The following VSIG10L variants were observed in gnomAD, a reference collection of about 807,000 sequenced individuals.
The protein encoded by VSIG10L is V-set and immunoglobulin domain-containing protein 10-like.
In VSIG10L, 63 loss-of-function variants were observed where a neutral mutation model predicts 67.3. The observed-to-expected ratio is 0.94, with a 90% CI of 0.76 to 1.15. VSIG10L has a LOEUF of 1.15. VSIG10L is among the 50% of genes most tolerant of loss of function. The probability of loss-of-function intolerance (pLI) is 0.00; values close to 1 mark genes in which losing one functional copy is unlikely to be tolerated. For missense variants in VSIG10L, 1,050 were observed against 1,177.5 expected (o/e 0.89, Z 1.58); for synonymous variants, 499 against 524.9 (o/e 0.95, Z 0.67).
intron 7 of VSIG10L, 52 bp from the exon 8 acceptor site, chr19:51,334,356 C>A: frequency 6.6e-7 from 1 of 1,504,654 alleles, no homozygotes. Flanking sequence ...CAAGGTTGGA[C>A]CCAAGTTTCC....
At chr19:51,333,968 G>A (rs375466316) in intron 8 of VSIG10L, 23 bp from the exon 9 acceptor site, 1 of 1,550,854 alleles carries the variant, frequency 6.4e-7, no homozygotes, top group Non-Finnish European at 8.7e-7. Context: ...CAGAAGAGAA[G>A]CAGGAACACG....
chr19:51,335,883 G>A (rs1264985162), intron 7 of VSIG10L, among the ~76,000 whole-genome samples: 1 of 152,116 alleles, frequency 6.6e-6, no homozygotes, highest in Non-Finnish European at 1.5e-5. Context: ...CTGCACTCCA[G>A]CCTGGGTGAC....
chr19:51,339,889 T>G, intron 4 of VSIG10L, 126 bp downstream of exon 4: 5 of 802,324 alleles, frequency 6.2e-6, no homozygotes, highest in South Asian at 4.9e-5. Context: ...GCCCTCCCGC[T>G]GGCCCTGCCC....
rs1299937772 is a variant in VSIG10L, at chr19:51,340,061, C to G, written c.1428G>C (p.Pro476=). 7.0e-7 allele frequency: 1 copy of G among 1,435,138 alleles called. No homozygotes were observed. Among genetic ancestry groups the G allele is most frequent in the Admixed American group, 2.6e-5 (1 of 38,430 alleles). The allele number at this position is 1,435,138 out of a possible 1,614,324, so 88.9% of individuals were successfully genotyped here. ...AGTYACLAAN[P]RTGRRRRSLL... is the part of the protein sequence containing the mutation. Reference sequence around the variant, plus strand: ...GCGAGCGGCGGCGGCGGCCGGTACGCGGGTTCGCCGCCAGGCAGGCGTAGG... The same window carrying G: ...GCGAGCGGCGGCGGCGGCCGGTACGGGGGTTCGCCGCCAGGCAGGCGTAGG... The change falls in exon 4 of 10, where the codon CCG becomes CCC. Residue 476 remains proline (P), a synonymous_variant. Transcript: ENST00000335624. This position sits in a 1 kb window ranked among gnomAD's most constrained non-coding sequence, Gnocchi z 6.3.
chr19:51,336,449 G>A (rs896944661), intron 7 of VSIG10L, among the ~76,000 whole-genome samples: 8 of 152,128 alleles, frequency 5.3e-5, no homozygotes, highest in African/African-American at 1.2e-4. Flanking sequence ...AGCTACTCGG[G>A]AGGCTGAGGC....
In VSIG10L at chr19:51,338,942, TG is replaced by T. The variant is rs1472686720; in HGVS notation, c.1674del (p.Ile559SerfsTer129). 2 of 1,436,492 alleles carry T rather than the reference TG, an allele frequency of 1.4e-6. No individual in the cohort carries two copies. Among genetic ancestry groups the T allele is most frequent in the South Asian group, 1.4e-5 (1 of 70,854 alleles). The allele number at this position is 1,436,492 out of a possible 1,614,324, so 89.0% of individuals were successfully genotyped here. A position where few individuals can be genotyped will look rare whatever the true frequency, so the allele number is the denominator to read the frequency against. On this transcript the variant is annotated frameshift_variant, in exon 5 of 10. Transcript: ENST00000335624. LOFTEE classifies it high-confidence loss of function. ...ACCAGGTGGCGAGCAAGGCAGGTGA[TG>T]GGGACGCCGCTGAGCCGGGGGTGGG... The part of the protein sequence containing the change: ...VPAHPRLSGV[P>X]ITCLARHLVA...
Position 51,339,050 on chromosome 19 carries a change from C to G in VSIG10L, c.1567G>C (p.Ala523Pro), listed in dbSNP as rs1220032868. ...AGACCCTGGAACTGCAGGGAGGCAGCAGGGGCCCCGCCGGGCCACGAGCAG... is the reference window on the plus strand; with the variant it reads ...AGACCCTGGAACTGCAGGGAGGCAGGAGGGGCCCCGCCGGGCCACGAGCAG... ...FRCSWPGGAP[A>P]ASLQFQGLPE... Residue 523 changes from alanine (A) to proline (P), a missense_variant, in exon 5 of 10, where the codon GCT (alanine) becomes CCT (proline). This residue lies in a region of VSIG10L where 529 missense variants were observed against 584.9 expected (regional missense o/e 0.90). Transcript: ENST00000335624. The G allele has an allele frequency of 2.2e-5, 30 of 1,344,820 alleles. 1 individual carries two copies. The South Asian group carries it at 5.3e-4, about 24-fold the overall frequency. The allele number at this position is 1,344,820 out of a possible 1,614,324, so 83.3% of individuals were successfully genotyped here.
At position 51,341,414 on chromosome 19, in the gene VSIG10L, C is replaced by T; in HGVS notation, c.634G>A (p.Val212Ile). The T allele has an allele frequency of 6.5e-7, 1 of 1,533,238 alleles. No individual in the cohort carries two copies. The highest frequency in any genetic ancestry group is 8.8e-7 in the Non-Finnish European group (1 of 1,138,958). The allele number at this position is 1,533,238 out of a possible 1,614,324, so 95.0% of individuals were successfully genotyped here. ...LVGTTIRLPL[V>I]PIPNPGPPTS... ...GGGGGCCCAGGGTTGGGGATTGGGA[C>T]TAGGGGGAGCCGGATGGTGGTCCCC... Residue 212 changes from valine (V) to isoleucine (I), a missense_variant, in exon 2 of 10, where the codon GTC (valine) becomes ATC (isoleucine). This residue lies in a region of VSIG10L where 511 missense variants were observed against 557.9 expected (regional missense o/e 0.92). Coordinates refer to ENST00000335624, the MANE Select transcript of VSIG10L (RefSeq NM_001163922.3).
rs184525878 is a variant in VSIG10L at position 51,333,707 on chromosome 19, T to C, written c.2574+84A>G. 59 of 1,408,252 alleles carry C rather than the reference T, an allele frequency of 4.2e-5. No homozygotes were observed. In the East Asian group the frequency reaches 1.4e-3, roughly 35 times the overall value. 87.2% of individuals were successfully genotyped at this position (1,408,252 alleles called of 1,614,324 possible). On this transcript the variant is annotated intron_variant, in intron 9 of 9. Coordinates refer to ENST00000335624, the MANE Select transcript of VSIG10L (RefSeq NM_001163922.3). ...ACTAACAAGTAAAACTGGAGTTAGA[T>C]AATTGAGACCCTCTCATCTCCCTGA... is the stretch of plus-strand genomic sequence containing the variant.
Position 51,337,226 on chromosome 19 carries a change from G to A in VSIG10L, c.2305+12C>T, listed in dbSNP as rs1174320095. Reference sequence around the variant, plus strand: ...ACAACAGAGAAGGTCTACTCTGACAGCCCCAACTCACCGGCCCGGTAGACC... The same window carrying A: ...ACAACAGAGAAGGTCTACTCTGACAACCCCAACTCACCGGCCCGGTAGACC... On this transcript the variant is annotated intron_variant, in intron 7 of 9. Coordinates refer to ENST00000335624, the MANE Select transcript of VSIG10L (RefSeq NM_001163922.3). 13 of 1,539,908 alleles carry A rather than the reference G, an allele frequency of 8.4e-6. No individual in the cohort carries two copies. The highest frequency in any genetic ancestry group is 1.1e-5 in the Non-Finnish European group (13 of 1,140,280).
intron 5 of VSIG10L, among the ~76,000 whole-genome samples, chr19:51,338,575 G>A (rs761894506): frequency 6.6e-6 from 1 of 151,922 alleles, no homozygotes; most frequent in Non-Finnish European, 1.5e-5. Flanking sequence ...CAATCCTCCC[G>A]CCCCCAGCTA....
At chr19:51,338,439 T>G (rs1985542875) in intron 5 of VSIG10L, among the ~76,000 whole-genome samples, 1 of 152,202 alleles carries the variant, frequency 6.6e-6, no homozygotes. Flanking sequence ...GGCCCTGTAC[T>G]GGGAAACTCA....
chr19:51,339,225 CCTT>C, intron 4 of VSIG10L, 83 bp from the exon 5 acceptor site: 1 of 1,250,550 alleles, frequency 8.0e-7, no homozygotes, highest in Non-Finnish European at 1.0e-6. Flanking sequence ...GTGACTCCAC[CCTT>C]CTTCACTAGC....
Position 51,340,600 on chromosome 19 carries a change from C to T in VSIG10L, c.1022G>A (p.Arg341His), listed in dbSNP as rs1985611035. 1 of 1,535,308 alleles carries T rather than the reference C, an allele frequency of 6.5e-7. No individual in the cohort carries two copies. The highest frequency in any genetic ancestry group is 8.7e-7 in the Non-Finnish European group (1 of 1,146,422). Reference protein sequence around the residue: ...RGELSWSRDGRALEAAESEGA... With the variant: ...RGELSWSRDGHALEAAESEGA... ...CTCCGATTCCGCCGCCTCCAGGGCGCGTCCGTCCCGGCTCCAGCTCAGCTC... is the reference window on the plus strand; with the variant it reads ...CTCCGATTCCGCCGCCTCCAGGGCGTGTCCGTCCCGGCTCCAGCTCAGCTC... Residue 341 changes from arginine to histidine, a missense_variant, in exon 3 of 10, where the codon CGC becomes CAC. Coordinates refer to ENST00000335624, the MANE Select transcript of VSIG10L (RefSeq NM_001163922.3). The surrounding 1 kb of genome is among the most constrained non-coding windows in gnomAD (Gnocchi z 6.3).
chr19:51,341,674 G>A lies in VSIG10L; in HGVS notation c.374C>T (p.Pro125Leu), dbSNP rs1307086757. Residue 125 changes from proline to leucine, a missense_variant, in exon 2 of 10, where the codon CCT (proline) becomes CTT (leucine). Pro to Leu is a moderately conservative substitution (Grantham distance 98). Coordinates refer to ENST00000335624, the MANE Select transcript of VSIG10L (RefSeq NM_001163922.3). ...GSEVFPDISD[P>L]QVPAKDPKPS... ...CTTGGGGTCTTTGGCAGGAACTTGAGGATCCGAAATATCAGGAAATACTTC... is the reference window on the plus strand; with the variant it reads ...CTTGGGGTCTTTGGCAGGAACTTGAAGATCCGAAATATCAGGAAATACTTC... The A allele has an allele frequency of 6.4e-7, 1 of 1,551,672 alleles. No homozygotes were observed. Among genetic ancestry groups the A allele is most frequent in the Admixed American group, 2.0e-5 (1 of 50,990 alleles).
In VSIG10L at chr19:51,340,102, G is replaced by T; in HGVS notation, c.1387C>A (p.Pro463Thr). 7.5e-7 allele frequency: 1 copy of T among 1,332,716 alleles called. No homozygotes were observed. Among genetic ancestry groups the T allele is most frequent in the Non-Finnish European group, 9.6e-7 (1 of 1,045,568 alleles). 82.6% of individuals were successfully genotyped at this position (1,332,716 alleles called of 1,614,324 possible). ...CAGGCGTAGGTGCCTGCGTGGCCCG[G>T]TCCGACCGCGGGCAGCAGGAGGCGC... Reference protein sequence around the residue: ...GSRLLLPAVGPGHAGTYACLA... With the variant: ...GSRLLLPAVGTGHAGTYACLA... The change falls in exon 4 of 10, where the codon CCG becomes ACG. Residue 463 changes from proline to threonine, a missense_variant. Around this residue, in one of 3 missense-constraint regions of VSIG10L, gnomAD observed 529 missense variants for 584.9 expected, o/e 0.90. Coordinates refer to ENST00000335624, the MANE Select transcript of VSIG10L (RefSeq NM_001163922.3). The surrounding 1 kb of genome is among the most constrained non-coding windows in gnomAD (Gnocchi z 6.3).
At chr19:51,336,333 G>A (rs1440795878) in intron 7 of VSIG10L, among the ~76,000 whole-genome samples, 1 of 152,102 alleles carries the variant, frequency 6.6e-6, no homozygotes, top group Non-Finnish European at 1.5e-5. Context: ...AAGGTGTGTG[G>A]GTCACCTGAG....
intron 9 of VSIG10L, 60 bp downstream of exon 9, chr19:51,333,731 G>A (rs1985410487): frequency 3.4e-6 from 5 of 1,471,292 alleles, no homozygotes; most frequent in Non-Finnish European, 4.5e-6. Context: ...TCATCTCCCT[G>A]ACTGTAATAC....
rs1233896671 is a variant in VSIG10L at position 51,338,979 on chromosome 19, C to T, written c.1638G>A (p.Ala546=). The T allele has an allele frequency of 7.0e-7, 1 of 1,432,766 alleles. No individual in the cohort carries two copies. Among genetic ancestry groups the T allele is most frequent in the Admixed American group, 3.0e-5 (1 of 33,512 alleles). The allele number at this position is 1,432,766 out of a possible 1,614,324, so 88.8% of individuals were successfully genotyped here. The change falls in exon 5 of 10, where the codon GCG becomes GCA. Residue 546 remains alanine, a synonymous_variant. Transcript: ENST00000335624. The part of the protein sequence containing the change: ...RAGPVSSVLL[A]AVPAHPRLSG... Reference sequence around the variant, plus strand: ...TGAGCCGGGGGTGGGCGGGGACGGCCGCCAGCAGCACAGAGGACACTGGCC... The same window carrying T: ...TGAGCCGGGGGTGGGCGGGGACGGCTGCCAGCAGCACAGAGGACACTGGCC...
Sources: allele counts gnomAD v4.1 joint callset (sites outside exome capture counted in the v4.1 genomes callset), GRCh38; gene constraint gnomAD v4.1.1; regional missense constraint gnomAD v4.1.1; non-coding constraint Gnocchi (gnomAD v3.1); transcripts MANE v1.5; gene names NCBI Gene and HGNC (gene_info 2026-07-23, HGNC 2026-07-21).